The following TMC1 variants were observed in gnomAD, a reference collection of about 807,000 sequenced individuals.
The protein encoded by TMC1 is transmembrane channel like 1, also known as transmembrane channel-like protein 1.
A neutral mutation model predicts 105.8 loss-of-function variants in TMC1; 84 were observed. That is an observed-to-expected ratio of 0.79 (90% confidence interval 0.67 to 0.95). TMC1 has a LOEUF of 0.95. Among genes scored for constraint, TMC1 ranks in the 40% least tolerant of loss-of-function variants. The pLI, the probability that TMC1 is intolerant of heterozygous loss-of-function variation, is 0.00. For missense variants in TMC1, 817 were observed against 914.1 expected (o/e 0.89, Z 1.37); for synonymous variants, 315 against 311.5 (o/e 1.01, Z -0.12).
At chr9:72,616,856 G>A (rs2132123958) in intron 3 of TMC1, among the ~76,000 whole-genome samples, 1 of 152,078 alleles carries the variant, frequency 6.6e-6, no homozygotes, top group African/African-American at 2.4e-5. Context: ...GGAAGGAGCT[G>A]GCTAGCTTTC....
At chr9:72,667,531 G>T (rs933386627) in intron 5 of TMC1, among the ~76,000 whole-genome samples, 1 of 152,116 alleles carries the variant, frequency 6.6e-6, no homozygotes, top group African/African-American at 2.4e-5. Flanking sequence ...ACTACCAAAT[G>T]TAGTTGGATA....
rs1469696279 is a variant in TMC1 at position 72,656,531 on chromosome 9, TATA to T, written c.16+7873_16+7875del. On this transcript the variant is annotated intron_variant, in intron 5 of 23. Coordinates refer to ENST00000297784, the MANE Select transcript of TMC1 (RefSeq NM_138691.3). Reference sequence around the variant, plus strand: ...TTGTCTTAAACATTTGGAGTATACTTATAATAATTGTTTTACTGTTGTTATCTG... The same window carrying T: ...TTGTCTTAAACATTTGGAGTATACTTATAATTGTTTTACTGTTGTTATCTG... 2.0e-5 allele frequency among the ~76,000 whole-genome samples: 3 copies of T among 152,324 alleles called. No individual in the cohort carries two copies. The East Asian group carries it at 5.8e-4, about 29-fold the overall frequency.
At chr9:72,572,417 A>G (rs1166789255) in intron 1 of TMC1, among the ~76,000 whole-genome samples, 1 of 151,834 alleles carries the variant, frequency 6.6e-6, no homozygotes, top group African/African-American at 2.4e-5. Context: ...CTGGTCTTGA[A>G]CTGCTGGCTT....
chr9:72,704,599 A>G (rs1275313649), intron 8 of TMC1, among the ~76,000 whole-genome samples: 1 of 152,150 alleles, frequency 6.6e-6, no homozygotes, highest in Admixed American at 6.5e-5. Flanking sequence ...CAGGAGCTAG[A>G]GTTCAGCATT....
At chr9:72,629,967 G>A (rs963419393) in intron 4 of TMC1, among the ~76,000 whole-genome samples, 1 of 152,068 alleles carries the variant, frequency 6.6e-6, no homozygotes, top group Non-Finnish European at 1.5e-5. Context: ...CTGGGTTCAA[G>A]CAATTCTCCT....
intron 12 of TMC1, among the ~76,000 whole-genome samples, chr9:72,761,629 C>T (rs1827756288): frequency 6.6e-6 from 1 of 152,146 alleles, no homozygotes; most frequent in Admixed American, 6.5e-5. Context: ...TATATCATCC[C>T]AGATTATTCC....
At position 72,816,241 on chromosome 9, in the gene TMC1, A is replaced by G. The variant is rs749830801; in HGVS notation, c.1763+31A>G. 6 of 1,602,394 alleles carry G rather than the reference A, an allele frequency of 3.7e-6. No individual in the cohort carries two copies. The Admixed American group carries it at 1.0e-4, about 27-fold the overall frequency. ...CCAGCTGTTGGACAGCTTATCACTT[A>G]CAGAAAAGCCTCCCAGGTTATTTTT... On this transcript the variant is annotated intron_variant, in intron 19 of 23. Transcript: ENST00000297784.
At chr9:72,702,185 T>C (rs1425728273) in intron 8 of TMC1, among the ~76,000 whole-genome samples, 11 of 152,180 alleles carry the variant, frequency 7.2e-5, no homozygotes, top group Admixed American at 7.2e-4. Context: ...TAACTATATA[T>C]AGAAAGTTTA....
At position 72,830,490 on chromosome 9, in the gene TMC1, G is replaced by T. The variant is rs1013701048; in HGVS notation, c.2169G>T (p.Gln723His). 1.9e-6 allele frequency: 3 copies of T among 1,613,696 alleles called. No homozygotes were observed. The highest frequency in any genetic ancestry group is 2.5e-6 in the Non-Finnish European group (3 of 1,179,816). Residue 723 changes from glutamine to histidine, a missense_variant, in exon 22 of 24, where the codon CAG (glutamine) becomes CAT (histidine). Physicochemically the swap from Gln to His is conservative, Grantham distance 24. Transcript: ENST00000297784. ...ATCTCAATGCTACTGCCAAGGGCCA[G>T]AAGGCAGCGAATCTGGATCTCAAAA... ...IYYLNATAKG[Q>H]KAANLDLKKK... is the part of the protein sequence containing the mutation.
intron 6 of TMC1, 162 bp from the exon 7 acceptor site, chr9:72,694,381 G>A (rs1223178083): frequency 6.6e-6 from 4 of 603,024 alleles, no homozygotes; most frequent in East Asian, 2.8e-5. Context: ...TTAAATGATG[G>A]GCTATGAAAT....
chr9:72,644,808 C>A (rs146430301), intron 4 of TMC1, among the ~76,000 whole-genome samples: 8 of 152,162 alleles, frequency 5.3e-5, no homozygotes, highest in Non-Finnish European at 1.0e-4. Context: ...TTTCAAAATT[C>A]TTTTGCATCA....
At chr9:72,694,972 C>T (rs1826524441) in intron 7 of TMC1, among the ~76,000 whole-genome samples, 1 of 152,130 alleles carries the variant, frequency 6.6e-6, no homozygotes, top group Admixed American at 6.6e-5. Context: ...TGACATATTA[C>T]AGTTAATTTA....
rs11143330 is a variant in TMC1, at chr9:72,563,768, C to T, written c.-427-14134C>T. On this transcript the variant is annotated intron_variant, in intron 1 of 23. Transcript: ENST00000297784. ...AAAAAAAATTAGCTGGGCATGGTGGCGGGTGCCTGTAATCCCAGCTATTCG... is the reference window on the plus strand; with the variant it reads ...AAAAAAAATTAGCTGGGCATGGTGGTGGGTGCCTGTAATCCCAGCTATTCG... 9.9e-3 allele frequency among the ~76,000 whole-genome samples: 1,509 copies of T among 151,762 alleles called. 9 individuals carry two copies. Among genetic ancestry groups the T allele is most frequent in the Non-Finnish European group, 0.017 (1,169 of 67,884 alleles).
intron 4 of TMC1, among the ~76,000 whole-genome samples, chr9:72,634,932 C>T (rs1026170449): frequency 5.9e-5 from 9 of 152,192 alleles, no homozygotes; most frequent in African/African-American, 1.9e-4. Context: ...CTCAGCACCT[C>T]CATGTGTTCA....
intron 1 of TMC1, among the ~76,000 whole-genome samples, chr9:72,526,263 A>AT (rs1202354656): frequency 6.6e-6 from 1 of 151,972 alleles, no homozygotes; most frequent in Non-Finnish European, 1.5e-5. Context: ...CACAGATGTT[A>AT]TTTTTTTCTC....
At chr9:72,762,895 G>A (rs1336039616) in intron 12 of TMC1, among the ~76,000 whole-genome samples, 1 of 152,092 alleles carries the variant, frequency 6.6e-6, no homozygotes, top group Non-Finnish European at 1.5e-5. Flanking sequence ...AAAAGAAGAT[G>A]CATTTCATGT....
chr9:72,831,887 G>A (rs75085581), intron 23 of TMC1, among the ~76,000 whole-genome samples: 5 of 151,602 alleles, frequency 3.3e-5, no homozygotes, highest in East Asian at 1.9e-4. Flanking sequence ...GAATAGTGCC[G>A]CAATAAACAT....
intron 1 of TMC1, among the ~76,000 whole-genome samples, chr9:72,561,905 A>G (rs1329496963): frequency 6.6e-6 from 1 of 152,086 alleles, no homozygotes; most frequent in Non-Finnish European, 1.5e-5. Context: ...CTACTTGGGA[A>G]GCTGAGGCGG....
chr9:72,619,272 G>A (rs1485094150), intron 3 of TMC1, among the ~76,000 whole-genome samples: 1 of 152,134 alleles, frequency 6.6e-6, no homozygotes, highest in Admixed American at 6.5e-5. Context: ...ACTCATAGCA[G>A]CATTATTTAA....
Sources: allele counts gnomAD v4.1 joint callset (sites outside exome capture counted in the v4.1 genomes callset), GRCh38; gene constraint gnomAD v4.1.1; transcripts MANE v1.5; gene names NCBI Gene and HGNC (gene_info 2026-07-23, HGNC 2026-07-21).